The following XKR6 variants were observed in gnomAD, a reference collection of about 807,000 sequenced individuals.
XKR6 encodes the protein XK related 6.
In XKR6, 22 loss-of-function variants were observed where a neutral mutation model predicts 56.7. The ratio of observed to expected loss-of-function variants is 0.39; its 90% CI spans 0.28 to 0.55. The LOEUF (loss-of-function observed/expected upper bound fraction) is 0.55, where lower values mean the gene tolerates loss of function less well. Among genes scored for constraint, XKR6 ranks in the 20% least tolerant of loss-of-function variants. The probability of loss-of-function intolerance (pLI) is 0.66; values close to 1 mark genes in which losing one functional copy is unlikely to be tolerated. For missense variants in XKR6, 852 were observed against 889.0 expected, an observed-to-expected ratio of 0.96 and a Z score of 0.53; for synonymous variants, 524 against 387.8, an observed-to-expected ratio of 1.35 and a Z score of -4.13.
At chr8:11,182,873 T>G (rs904720495) in intron 1 of XKR6, among the ~76,000 whole-genome samples, 3 of 152,212 alleles carry the variant, frequency 2.0e-5, no homozygotes, top group African/African-American at 2.4e-5. Flanking sequence ...TAACTCCACG[T>G]ATCCCCTCGC....
At chr8:10,980,798 A>G (rs188169525) in intron 1 of XKR6, among the ~76,000 whole-genome samples, 10 of 152,282 alleles carry the variant, frequency 6.6e-5, no homozygotes, top group Non-Finnish European at 2.9e-5. Flanking sequence ...ACTGATGGAT[A>G]ACAATATCTA....
chr8:10,935,605 G>C (rs1411840203), intron 1 of XKR6, among the ~76,000 whole-genome samples: 5 of 151,146 alleles, frequency 3.3e-5, no homozygotes, highest in Non-Finnish European at 4.4e-5. Flanking sequence ...TTGTGTCTTT[G>C]TTCTCATTGG....
Position 11,123,341 on chromosome 8 carries a change from AC to A in XKR6, c.764+77234del, listed in dbSNP as rs1444594872. The A allele has an allele frequency of 6.5e-5, 10 of 154,066 alleles. No individual in the cohort carries two copies. In the East Asian group the frequency reaches 1.3e-3, roughly 21 times the overall value. 9.5% of individuals were successfully genotyped at this position (154,066 alleles called of 1,614,324 possible). ...GTTGCCAACAACAATCTGGTTATGGACCTTGTCATTATAAACATAAAGATTT... is the reference window on the plus strand; with the variant it reads ...GTTGCCAACAACAATCTGGTTATGGACTTGTCATTATAAACATAAAGATTT... On this transcript the variant is annotated intron_variant, in intron 1 of 2. Transcript: ENST00000416569.
In XKR6 at chr8:10,920,758, C is replaced by T. The variant is rs144283386; in HGVS notation, c.961+3876G>A. 2.5e-3 allele frequency among the ~76,000 whole-genome samples: 376 copies of T among 152,358 alleles called. 1 individual carries two copies. Among genetic ancestry groups the T allele is most frequent in the African/African-American group, 8.2e-3 (339 of 41,582 alleles). On this transcript the variant is annotated intron_variant, in intron 2 of 2. Transcript: ENST00000416569. Reference sequence around the variant, plus strand: ...TCAGTGATGGCTAGTGTCCTTCCTTCCCGTAAACCCAGCTGATGCTATAGC... The same window carrying T: ...TCAGTGATGGCTAGTGTCCTTCCTTTCCGTAAACCCAGCTGATGCTATAGC...
At chr8:11,020,117 G>A (rs185690172) in intron 1 of XKR6, among the ~76,000 whole-genome samples, 40 of 150,730 alleles carry the variant, frequency 2.7e-4, no homozygotes, top group Non-Finnish European at 1.5e-5. Flanking sequence ...TGTCTGTGAA[G>A]TGCTTGCTTC....
At chr8:10,945,890 C>G (rs953718697) in intron 1 of XKR6, among the ~76,000 whole-genome samples, 1 of 152,154 alleles carries the variant, frequency 6.6e-6, no homozygotes, top group Admixed American at 6.5e-5. Context: ...TCCCTTCCCT[C>G]TCCTGTCCCC....
At chr8:10,899,288 C>T (rs559945090) in intron 2 of XKR6, among the ~76,000 whole-genome samples, 42 of 152,340 alleles carry the variant, frequency 2.8e-4, no homozygotes, top group African/African-American at 7.9e-4. Flanking sequence ...CTGGCATTGG[C>T]GTCGCTGTCA....
chr8:11,027,764 T>A (rs1798902219), intron 1 of XKR6, among the ~76,000 whole-genome samples: 1 of 152,230 alleles, frequency 6.6e-6, no homozygotes, highest in South Asian at 2.1e-4. Flanking sequence ...AGGTACTCCG[T>A]GTGTTCAACA....
chr8:10,965,292 A>T (rs1802184950), intron 1 of XKR6, among the ~76,000 whole-genome samples: 1 of 152,198 alleles, frequency 6.6e-6, no homozygotes, highest in Non-Finnish European at 1.5e-5. Flanking sequence ...CAAGCAGGGC[A>T]CGTGCCCTCG....
intron 1 of XKR6, among the ~76,000 whole-genome samples, chr8:11,173,615 G>C (rs7017362): frequency 1.3e-5 from 2 of 152,044 alleles, no homozygotes; most frequent in African/African-American, 4.8e-5. Flanking sequence ...AGTTCAGTGA[G>C]TGACACACAT....
At chr8:11,147,213 TA>T (rs1394174543) in intron 1 of XKR6, among the ~76,000 whole-genome samples, 1 of 152,118 alleles carries the variant, frequency 6.6e-6, no homozygotes, top group Non-Finnish European at 1.5e-5. Flanking sequence ...TCCCCAAACT[TA>T]TCAAGTTGTA....
rs1320852310 is a variant in XKR6 at position 10,926,559 on chromosome 8, T to A, written c.765-1729A>T. 3.3e-5 allele frequency among the ~76,000 whole-genome samples: 5 copies of A among 152,222 alleles called. No individual in the cohort carries two copies. The South Asian group carries it at 8.3e-4, about 25-fold the overall frequency. On this transcript the variant is annotated intron_variant, in intron 1 of 2. Transcript: ENST00000416569. ...AACCAGAGTGAGGCTGGCATTGCAA[T>A]GATGGCCCCATCAGGGAGGGATATG... is the stretch of plus-strand genomic sequence containing the variant.
intron 1 of XKR6, among the ~76,000 whole-genome samples, chr8:10,976,305 C>G (rs1215392337): frequency 6.6e-6 from 1 of 152,188 alleles, no homozygotes; most frequent in Non-Finnish European, 1.5e-5. Context: ...AAGACCCCAG[C>G]AGGGTCCTCC....
rs539881026 is a variant in XKR6, at chr8:11,175,451, C to T, written c.764+25125G>A. 16 of 164,234 alleles carry T rather than the reference C, an allele frequency of 9.7e-5. No homozygotes were observed. The South Asian group carries it at 2.5e-3, about 26-fold the overall frequency. The allele number at this position is 164,234 out of a possible 1,614,324, so 10.2% of individuals were successfully genotyped here. A position where few individuals can be genotyped will look rare whatever the true frequency, so the allele number is the denominator to read the frequency against. The stretch of plus-strand genomic sequence containing the variant: ...TAACCCATACGTGGGCTCTCCCAGC[C>T]ACATCGAGATGATTCTTACTGAAAA... On this transcript the variant is annotated intron_variant, in intron 1 of 2. Transcript: ENST00000416569.
At chr8:11,134,503 G>A (rs1800280694) in intron 1 of XKR6, among the ~76,000 whole-genome samples, 1 of 152,152 alleles carries the variant, frequency 6.6e-6, no homozygotes, top group Non-Finnish European at 1.5e-5. Flanking sequence ...TGTCTCCTAG[G>A]CACAATGGCA....
At chr8:11,116,444 C>A (rs1449437364) in intron 1 of XKR6, among the ~76,000 whole-genome samples, 1 of 152,182 alleles carries the variant, frequency 6.6e-6, no homozygotes, top group African/African-American at 2.4e-5. Context: ...AATCTTGGCT[C>A]ACTGCAACCT....
intron 1 of XKR6, among the ~76,000 whole-genome samples, chr8:11,118,607 T>C (rs1223879865): frequency 2.6e-5 from 4 of 152,232 alleles, no homozygotes; most frequent in African/African-American, 4.8e-5. Flanking sequence ...GAGGTGTTTA[T>C]AGTATTCTCT....
intron 1 of XKR6, among the ~76,000 whole-genome samples, chr8:11,189,210 C>T (rs78496025): frequency 1.3e-5 from 2 of 152,116 alleles, no homozygotes; most frequent in Non-Finnish European, 1.5e-5. Context: ...GAATTTGAGA[C>T]ACAAAATTCA....
chr8:10,968,969 T>C (rs1802316194), intron 1 of XKR6, among the ~76,000 whole-genome samples: 1 of 152,198 alleles, frequency 6.6e-6, no homozygotes, highest in African/African-American at 2.4e-5. Context: ...AGGCCTATTT[T>C]CCACCTAAAA....
Sources: gnomAD v4.1 joint callset for allele counts (sites outside exome capture counted in the v4.1 genomes callset) on GRCh38, gnomAD v4.1.1 for gene constraint, MANE v1.5 for transcripts, NCBI Gene and HGNC (gene_info 2026-07-23, HGNC 2026-07-21) for gene names.